The following TARS1 variants were observed in gnomAD, a reference collection of about 807,000 sequenced individuals.
TARS1 encodes threonyl-tRNA synthetase 1, also known as threonine--tRNA ligase 1, cytoplasmic.
Under a neutral mutation model 97.7 loss-of-function variants are expected in TARS1, and 57 were observed. That is an observed-to-expected ratio of 0.58 (90% CI 0.47 to 0.73). The LOEUF is 0.73. TARS1 is among the 30% of genes least tolerant of loss of function. TARS1 has a pLI of 0.00. For missense variants in TARS1, 806 were observed against 888.3 expected, an observed-to-expected ratio of 0.91 and a Z score of 1.18; for synonymous variants, 312 against 293.7, an observed-to-expected ratio of 1.06 and a Z score of -0.64.
intron 1 of TARS1, 74 bp from the exon 2 acceptor site, chr5:33,445,250 C>T: frequency 8.9e-7 from 1 of 1,127,370 alleles, no homozygotes; most frequent in South Asian, 1.5e-5. Flanking sequence ...ATAACATTCT[C>T]AACACTTCCT....
In TARS1 at chr5:33,464,650, G is replaced by T. The variant is rs369237968; in HGVS notation, c.1908+825G>T. On this transcript the variant is annotated intron_variant, in intron 17 of 18. Coordinates refer to ENST00000265112, the MANE Select transcript of TARS1 (RefSeq NM_152295.5). ...AATAAATGAACTTGAGCATGGAGAT[G>T]CATACCTGTAGTCCCAGCTACTTAG... Among the ~76,000 whole-genome samples, 17 of 152,322 alleles carry T rather than the reference G, an allele frequency of 1.1e-4. No individual in the cohort carries two copies. In the East Asian group the frequency reaches 1.3e-3, roughly 12 times the overall value.
intron 17 of TARS1, chr5:33,466,669 G>A (rs1188960222): frequency 2.5e-6 from 1 of 401,732 alleles, no homozygotes; most frequent in Non-Finnish European, 4.5e-6. Context: ...TAATACACAT[G>A]ACCTGAGGTA....
In TARS1 at chr5:33,441,057, C is replaced by T. The variant is rs1314338553; in HGVS notation, c.-30C>T. On this transcript the variant is annotated 5_prime_UTR_variant, in exon 1 of 19. Coordinates refer to ENST00000265112, the MANE Select transcript of TARS1 (RefSeq NM_152295.5). ...CTCCTCTCCTCTAGGCCGTCGCTTT[C>T]GGGTTCTCTCATCGCTTCGTCGTTC... The T allele has an allele frequency of 6.2e-7, 1 of 1,613,920 alleles. No individual in the cohort carries two copies. Among genetic ancestry groups the T allele is most frequent in the African/African-American group, 1.3e-5 (1 of 74,932 alleles).
At chr5:33,459,638 C>A in intron 10 of TARS1, 57 bp from the exon 11 acceptor site, 1 of 1,585,342 alleles carries the variant, frequency 6.3e-7, no homozygotes, top group Non-Finnish European at 8.6e-7. Context: ...GTTTTTACTC[C>A]CACTTGAAGT....
In TARS1 at chr5:33,446,439, T is replaced by A. The variant is rs530934963; in HGVS notation, c.138+1035T>A. 7.9e-5 allele frequency among the ~76,000 whole-genome samples: 12 copies of A among 152,336 alleles called. No individual in the cohort carries two copies. The East Asian group carries it at 2.3e-3, about 29-fold the overall frequency. ...ACTTTCAATACAAACATACGTGCTG[T>A]TCCATCACAGCTTGAGAAATGACCT... On this transcript the variant is annotated intron_variant, in intron 2 of 18. Transcript: ENST00000265112.
intron 1 of TARS1, among the ~76,000 whole-genome samples, chr5:33,442,158 A>C (rs540676743): frequency 1.2e-4 from 19 of 152,262 alleles, no homozygotes; most frequent in African/African-American, 4.6e-4. Context: ...GTGACAGGAC[A>C]GTTCACTTAA....
intron 17 of TARS1, among the ~76,000 whole-genome samples, chr5:33,465,437 C>T (rs553024952): frequency 6.6e-6 from 1 of 152,340 alleles, no homozygotes; most frequent in Admixed American, 6.5e-5. Flanking sequence ...ATGTTAAACA[C>T]CCTGTAATTA....
intron 1 of TARS1, among the ~76,000 whole-genome samples, chr5:33,444,622 C>T (rs1430134541): frequency 6.6e-6 from 1 of 152,138 alleles, no homozygotes; most frequent in Non-Finnish European, 1.5e-5. Context: ...TAAAACAATC[C>T]TTCATTAATC....
intron 1 of TARS1, among the ~76,000 whole-genome samples, chr5:33,443,308 T>TCTCTCTCC (rs1419601833): frequency 3.2e-4 from 41 of 128,922 alleles, no homozygotes; most frequent in African/African-American, 1.3e-3. Context: ...GGTGATTCCC[T>TCTCTCTCC]CTCTCTCTCT....
intron 4 of TARS1, among the ~76,000 whole-genome samples, chr5:33,454,453 G>T (rs778335835): frequency 3.3e-5 from 5 of 152,134 alleles, no homozygotes; most frequent in African/African-American, 1.2e-4. Context: ...GTTTGTCCTC[G>T]TGTTTTGTCA....
At chr5:33,457,988 T>C (rs1742110031) in intron 9 of TARS1, among the ~76,000 whole-genome samples, 1 of 152,176 alleles carries the variant, frequency 6.6e-6, no homozygotes, top group African/African-American at 2.4e-5. Context: ...CCTGACTACC[T>C]GACATTCCAG....
chr5:33,456,366 C>A, intron 8 of TARS1, 139 bp downstream of exon 8: 1 of 700,316 alleles, frequency 1.4e-6, no homozygotes, highest in Non-Finnish European at 2.4e-6. Flanking sequence ...TAACTGGGAG[C>A]TGTATGCCAT....
At chr5:33,455,788 A>G in intron 6 of TARS1, 84 bp downstream of exon 6, 1 of 1,074,058 alleles carries the variant, frequency 9.3e-7, no homozygotes, top group Non-Finnish European at 1.4e-6. Flanking sequence ...CGTTCCGTGT[A>G]CTAAGCTGAA....
chr5:33,453,971 C>T (rs1246739621), intron 4 of TARS1, among the ~76,000 whole-genome samples: 3 of 152,130 alleles, frequency 2.0e-5, no homozygotes, highest in African/African-American at 7.2e-5. Flanking sequence ...CTGCCCACCT[C>T]GGCCCCCCAA....
intron 10 of TARS1, 56 bp downstream of exon 10, chr5:33,458,720 A>G: frequency 7.4e-7 from 1 of 1,351,392 alleles, no homozygotes; most frequent in Non-Finnish European, 1.0e-6. Flanking sequence ...TCATTTTATT[A>G]AATAAGGTCT....
chr5:33,450,003 A>C (rs995848366), intron 3 of TARS1, among the ~76,000 whole-genome samples: 1 of 152,174 alleles, frequency 6.6e-6, no homozygotes, highest in Non-Finnish European at 1.5e-5. Context: ...GCGAGTGCTA[A>C]TTAGAGTTCT....
At chr5:33,447,903 T>G (rs1055561201) in intron 2 of TARS1, among the ~76,000 whole-genome samples, 1 of 152,236 alleles carries the variant, frequency 6.6e-6, no homozygotes, top group Non-Finnish European at 1.5e-5. Flanking sequence ...AAGTCAGCTC[T>G]CTGATTGCTG....
At chr5:33,443,284 C>G (rs995807535) in intron 1 of TARS1, among the ~76,000 whole-genome samples, 2 of 146,610 alleles carry the variant, frequency 1.4e-5, no homozygotes, top group African/African-American at 5.1e-5. Flanking sequence ...TATTTAGAAC[C>G]AGAAAACCTT....
rs1561077215 is a variant in TARS1 at position 33,460,755 on chromosome 5, G to A, written c.1251-147G>A. On this transcript the variant is annotated intron_variant, in intron 11 of 18. Coordinates refer to ENST00000265112, the MANE Select transcript of TARS1 (RefSeq NM_152295.5). ...TTTTATTCATGCAAGTGCTTTTACT[G>A]CTGTATGTAGCCCAGAATTTGAGAA... 5.9e-6 allele frequency: 5 copies of A among 843,260 alleles called. No individual in the cohort carries two copies. In the East Asian group the frequency reaches 8.1e-5, roughly 14 times the overall value. The allele number at this position is 843,260 out of a possible 1,614,324, so 52.2% of individuals were successfully genotyped here.
Sources: gnomAD v4.1 joint callset for allele counts (sites outside exome capture counted in the v4.1 genomes callset) on GRCh38, gnomAD v4.1.1 for gene constraint, MANE v1.5 for transcripts, NCBI Gene and HGNC (gene_info 2026-07-23, HGNC 2026-07-21) for gene names.